SIM2: variants seen among roughly 807,000 people sequenced by gnomAD.
The protein encoded by SIM2 is single-minded homolog 2.
A neutral mutation model predicts 64.8 loss-of-function variants in SIM2; 28 were observed. That is an observed-to-expected ratio of 0.43 (90% CI 0.32 to 0.59). The LOEUF is 0.59. Among genes scored for constraint, SIM2 ranks in the 20% least tolerant of loss-of-function variants. SIM2 has a pLI of 0.07. For missense variants in SIM2, 847 were observed against 871.4 expected, an observed-to-expected ratio of 0.97 and a Z score of 0.35; for synonymous variants, 408 against 391.1, an observed-to-expected ratio of 1.04 and a Z score of -0.51.
chr21:36,705,108 C>T (rs1450819522), intron 1 of SIM2, among the ~76,000 whole-genome samples: 1 of 152,202 alleles, frequency 6.6e-6, no homozygotes, highest in Non-Finnish European at 1.5e-5. Context: ...GACTGGTGTT[C>T]CCAAGGGAGC....
chr21:36,746,090 C>T (rs533642861), intron 10 of SIM2: 13 of 752,338 alleles, frequency 1.7e-5, no homozygotes, highest in Admixed American at 3.9e-5. Flanking sequence ...CCAAGGTGGG[C>T]GGATCACCTG....
At chr21:36,743,705 C>A in intron 9 of SIM2, 150 bp downstream of exon 9, 1 of 735,490 alleles carries the variant, frequency 1.4e-6, no homozygotes, top group Non-Finnish European at 2.2e-6. Flanking sequence ...CTTGCCTACA[C>A]AGTAGTGACA....
intron 7 of SIM2, among the ~76,000 whole-genome samples, chr21:36,737,982 A>AAAAAAAAAAAAAAAAAAAG (rs2089095780): frequency 3.6e-4 from 32 of 88,848 alleles, no homozygotes; most frequent in African/African-American, 6.5e-4. Context: ...AAAAAAAAAA[A>AAAAAAAAAAAAAAAAAAAG]GCAAAAAAAA....
At chr21:36,738,429 T>C (rs2089104611) in intron 7 of SIM2, among the ~76,000 whole-genome samples, 4 of 151,816 alleles carry the variant, frequency 2.6e-5, no homozygotes. Context: ...CACTTGAACC[T>C]GGGAGGCGGA....
At chr21:36,741,089 G>C (rs541448019) in intron 7 of SIM2, among the ~76,000 whole-genome samples, 46 of 152,320 alleles carry the variant, frequency 3.0e-4, no homozygotes, top group African/African-American at 9.1e-4. Flanking sequence ...ATAGAAGACA[G>C]GCCCATAGGC....
chr21:36,725,978 C>T (rs12626325), intron 5 of SIM2, 141 bp from the exon 6 acceptor site: 9 of 651,362 alleles, frequency 1.4e-5, no homozygotes, highest in East Asian at 5.3e-5. Flanking sequence ...TGAACCGGTG[C>T]CTGTCAGCAC....
intron 7 of SIM2, among the ~76,000 whole-genome samples, chr21:36,736,606 C>A (rs2089051771): frequency 6.6e-6 from 1 of 152,080 alleles, no homozygotes; most frequent in African/African-American, 2.4e-5. Context: ...CGAGGGGGCA[C>A]CTCGGACCAG....
chr21:36,727,748 G>A (rs1459680614), intron 6 of SIM2, among the ~76,000 whole-genome samples: 2 of 152,180 alleles, frequency 1.3e-5, no homozygotes, highest in African/African-American at 2.4e-5. Context: ...CTTTCTGTAT[G>A]TCCAGAAGCC....
rs182272299 is a variant in SIM2, at chr21:36,709,739, T to C, written c.258+489T>C. 124 of 301,888 alleles carry C rather than the reference T, an allele frequency of 4.1e-4. 1 individual carries two copies. In the East Asian group the frequency reaches 0.013, roughly 33 times the overall value. The allele number at this position is 301,888 out of a possible 1,614,324, so 18.7% of individuals were successfully genotyped here. A position where few individuals can be genotyped will look rare whatever the true frequency, so the allele number is the denominator to read the frequency against. Reference sequence around the variant, plus strand: ...ACAGGAGCACTTGTCCAGAGCTTACTGCAAGCCACATTCAGTTCCGGACCT... The same window carrying C: ...ACAGGAGCACTTGTCCAGAGCTTACCGCAAGCCACATTCAGTTCCGGACCT... On this transcript the variant is annotated intron_variant, in intron 2 of 10. Coordinates refer to ENST00000290399, the MANE Select transcript of SIM2 (RefSeq NM_005069.6).
At position 36,748,208 on chromosome 21, in the gene SIM2, G is replaced by C; in HGVS notation, c.*116G>C. 1 of 465,330 alleles carries C rather than the reference G, an allele frequency of 2.1e-6. No individual in the cohort carries two copies. Among genetic ancestry groups the C allele is most frequent in the East Asian group, 8.2e-5 (1 of 12,152 alleles). 28.8% of individuals were successfully genotyped at this position (465,330 alleles called of 1,614,324 possible). On this transcript the variant is annotated 3_prime_UTR_variant, in exon 11 of 11. Transcript: ENST00000290399. ...TTATGCAGAGACAGCTGTTTGAATT[G>C]GACCCCGCCGCCGACTTGCGGATTT...
chr21:36,741,721 G>C lies in SIM2; in HGVS notation c.855G>C (p.Leu285Phe). The part of the protein sequence containing the change: ...FHLRYAHHLL[L>F]VKGQVTTKYY... The stretch of plus-strand genomic sequence containing the variant: ...CCTGTCACCTTGTGCTTGCAGTGTT[G>C]GTGAAGGGCCAGGTCACCACCAAGT... Residue 285 changes from leucine (L) to phenylalanine (F), a missense_variant, in exon 8 of 11, where the codon TTG becomes TTC. Coordinates refer to ENST00000290399, the MANE Select transcript of SIM2 (RefSeq NM_005069.6). The C allele has an allele frequency of 6.2e-7, 1 of 1,612,814 alleles. No homozygotes were observed. The highest frequency in any genetic ancestry group is 8.5e-7 in the Non-Finnish European group (1 of 1,179,948).
At position 36,744,796 on chromosome 21, in the gene SIM2, T is replaced by C. The variant is rs780878860; in HGVS notation, c.1236T>C (p.Pro412=). The change falls in exon 10 of 11, where the codon CCT becomes CCC. Residue 412 remains proline, a synonymous_variant. Coordinates refer to ENST00000290399, the MANE Select transcript of SIM2 (RefSeq NM_005069.6). ...TCGGAAACTGGAGAGCCAGTCCCCCTGCAAGCGCTGCTGCTCCTCCAGAAC... is the reference window on the plus strand; with the variant it reads ...TCGGAAACTGGAGAGCCAGTCCCCCCGCAAGCGCTGCTGCTCCTCCAGAAC... ...GQLGNWRASP[P]ASAAAPPELQ... The C allele has an allele frequency of 1.9e-6, 3 of 1,613,870 alleles. No individual in the cohort carries two copies. The South Asian group carries it at 3.3e-5, about 18-fold the overall frequency.
intron 9 of SIM2, 89 bp downstream of exon 9, chr21:36,743,644 C>G: frequency 8.0e-7 from 1 of 1,249,562 alleles, no homozygotes; most frequent in South Asian, 1.4e-5. Flanking sequence ...GGGAGCCTCT[C>G]ATTGCACAGC....
chr21:36,700,918 C>T (rs2088483989), intron 1 of SIM2, among the ~76,000 whole-genome samples: 1 of 152,244 alleles, frequency 6.6e-6, no homozygotes, highest in Non-Finnish European at 1.5e-5. Context: ...GAAATAGTGG[C>T]GCGCTGGGTG....
Position 36,719,921 on chromosome 21 carries a change from T to A in SIM2, c.449T>A (p.Leu150Gln). The change falls in exon 4 of 11, where the codon CTG becomes CAG. Residue 150 changes from leucine to glutamine, a missense_variant. By Grantham distance (113) the Leu-to-Gln change is moderately radical. Around this residue, in one of 3 missense-constraint regions of SIM2, gnomAD observed 397 missense variants for 439.2 expected, o/e 0.90. Transcript: ENST00000290399. ...GCCCACCAGCCGCTGCACCACCACC[T>A]GCTCCAAGGTATTCCATCCAGAGGG... ...LTAHQPLHHH[L>Q]LQEYEIERSF... 1 of 1,598,908 alleles carries A rather than the reference T, an allele frequency of 6.3e-7. No homozygotes were observed. Among genetic ancestry groups the A allele is most frequent in the Non-Finnish European group, 8.6e-7 (1 of 1,167,606 alleles).
rs151200964 is a variant in SIM2, at chr21:36,725,706, G to A, written c.544-413G>A. Among the ~76,000 whole-genome samples the A allele has an allele frequency of 5.0e-3, 754 of 152,138 alleles. 2 individuals carry two copies. The highest frequency in any genetic ancestry group is 0.018 in the African/African-American group (732 of 41,514). ...ACAATCTCGGCTCACTGCAACCCCCGCCTCCAGGGCTCAAGTGATCCTCCC... is the reference window on the plus strand; with the variant it reads ...ACAATCTCGGCTCACTGCAACCCCCACCTCCAGGGCTCAAGTGATCCTCCC... On this transcript the variant is annotated intron_variant, in intron 5 of 10. Transcript: ENST00000290399.
chr21:36,740,494 C>G (rs1178555566), intron 7 of SIM2, among the ~76,000 whole-genome samples: 1 of 152,146 alleles, frequency 6.6e-6, no homozygotes, highest in Non-Finnish European at 1.5e-5. Context: ...TTTTATCAAT[C>G]TGTACGAACC....
chr21:36,723,818 C>T (rs1465836073), intron 5 of SIM2, among the ~76,000 whole-genome samples: 1 of 152,206 alleles, frequency 6.6e-6, no homozygotes, highest in Non-Finnish European at 1.5e-5. Context: ...AGGAGTAGGT[C>T]ATGTCTCAGG....
chr21:36,739,992 G>GAAGAAAGAAAGAGAGA (rs2089134874), intron 7 of SIM2, among the ~76,000 whole-genome samples: 1 of 99,324 alleles, frequency 1.0e-5, no homozygotes, highest in Admixed American at 1.0e-4. Context: ...AGAAAGAAGA[G>GAAGAAAGAAAGAGAGA]AAGAAAGAAA....
Sources: allele counts gnomAD v4.1 joint callset (sites outside exome capture counted in the v4.1 genomes callset), GRCh38; gene constraint gnomAD v4.1.1; regional missense constraint gnomAD v4.1.1; transcripts MANE v1.5; gene names NCBI Gene and HGNC (gene_info 2026-07-23, HGNC 2026-07-21).